PAH: variants seen among roughly 807,000 people sequenced by gnomAD.
The protein encoded by PAH is phenylalanine hydroxylase, also known as phenylalanine-4-hydroxylase.
Under a neutral mutation model 62.0 loss-of-function variants are expected in PAH, and 64 were observed. That is an observed-to-expected ratio of 1.03 (90% confidence interval 0.84 to 1.27). The LOEUF (loss-of-function observed/expected upper bound fraction) is 1.27, where lower values mean the gene tolerates loss of function less well. Ranked by LOEUF, PAH falls within the 50% of genes most tolerant of loss-of-function variation. PAH has a pLI of 0.00. For synonymous variants in PAH, 195 were observed against 196.2 expected, an observed-to-expected ratio of 0.99 and a Z score of 0.05; for missense variants, 579 against 542.8, an observed-to-expected ratio of 1.07 and a Z score of -0.66.
upstream of PAH, chr12:102,953,977 A>C (rs1255759138): frequency 6.6e-6 from 1 of 152,254 alleles, no homozygotes; most frequent in Non-Finnish European, 1.5e-5. Context: ...TTTATGAATG[A>C]AGGTATCAAA....
At chr12:102,904,512 A>C (rs1877892179) in intron 2 of PAH, among the ~76,000 whole-genome samples, 1 of 152,174 alleles carries the variant, frequency 6.6e-6, no homozygotes, top group Non-Finnish European at 1.5e-5. Context: ...GTTCATGTGC[A>C]CTATGGCTCT....
At chr12:102,875,682 T>C (rs928353317) in intron 4 of PAH, among the ~76,000 whole-genome samples, 9 of 152,150 alleles carry the variant, frequency 5.9e-5, no homozygotes, top group African/African-American at 1.9e-4. Flanking sequence ...CCTTTACTTT[T>C]CGGGGAGAGA....
chr12:102,954,196 T>G (rs949568204), upstream of PAH, among the ~76,000 whole-genome samples: 4 of 152,242 alleles, frequency 2.6e-5, no homozygotes, highest in African/African-American at 7.2e-5. Flanking sequence ...TCTTACTTGC[T>G]ACTTTTCATG....
At chr12:102,926,610 T>C (rs1372947082) in intron 1 of PAH, among the ~76,000 whole-genome samples, 1 of 151,182 alleles carries the variant, frequency 6.6e-6, no homozygotes, top group Non-Finnish European at 1.5e-5. Flanking sequence ...ATAGTTCACA[T>C]AGACATTCCA....
At chr12:102,865,568 C>A (rs1835419144) in intron 5 of PAH, among the ~76,000 whole-genome samples, 1 of 152,116 alleles carries the variant, frequency 6.6e-6, no homozygotes, top group South Asian at 2.1e-4. Flanking sequence ...TTGCCTGTAC[C>A]TGCTTTGATG....
At position 102,844,389 on chromosome 12, in the gene PAH, C is replaced by T. The variant is rs62516150; in HGVS notation, c.1012G>A (p.Asp338Asn). 1.2e-6 allele frequency: 2 copies of T among 1,613,792 alleles called. No individual in the cohort carries two copies. The highest frequency in any genetic ancestry group is 1.3e-5 in the African/African-American group (1 of 74,888). The change falls in exon 10 of 13, where the codon GAC becomes AAC. Residue 338 changes from aspartate to asparagine, a missense_variant. Transcript: ENST00000553106. The part of the protein sequence containing the change: ...TVEFGLCKQG[D>N]SIKAYGAGLL... ...CCAGCACCATATGCCTTTATGGAGTCTCCTTGTTTGCAGAGCCCAAACTCC... is the reference window on the plus strand; with the variant it reads ...CCAGCACCATATGCCTTTATGGAGTTTCCTTGTTTGCAGAGCCCAAACTCC...
chr12:102,853,026 G>C, intron 6 of PAH, 76 bp from the exon 7 acceptor site: 5 of 1,518,774 alleles, frequency 3.3e-6, no homozygotes, highest in Non-Finnish European at 3.6e-6. Context: ...TTTAGGTAGT[G>C]GAGTAGTACA....
At chr12:102,914,865 C>T (rs183387688) in intron 1 of PAH, among the ~76,000 whole-genome samples, 49 of 152,336 alleles carry the variant, frequency 3.2e-4, no homozygotes, top group Admixed American at 1.2e-3. Context: ...CAAGTCTGAT[C>T]TCATCTTCTC....
At chr12:102,906,959 C>T (rs1241682208) in intron 2 of PAH, among the ~76,000 whole-genome samples, 1 of 152,176 alleles carries the variant, frequency 6.6e-6, no homozygotes, top group African/African-American at 2.4e-5. Context: ...CATAATGATG[C>T]TGTCTTGGCT....
At chr12:102,890,568 C>T (rs912292464) in intron 3 of PAH, among the ~76,000 whole-genome samples, 6 of 152,102 alleles carry the variant, frequency 3.9e-5, no homozygotes, top group African/African-American at 1.4e-4. Context: ...GATTGGGTGA[C>T]CAATCATCTG....
chr12:102,878,234 C>T (rs1423557141), intron 3 of PAH, among the ~76,000 whole-genome samples: 1 of 152,192 alleles, frequency 6.6e-6, no homozygotes, highest in Non-Finnish European at 1.5e-5. Context: ...GTGTTTCCCT[C>T]CCAAAGGCCC....
In PAH at chr12:102,846,919, A is replaced by T. The variant is rs1180470263; in HGVS notation, c.945T>A (p.Asp315Glu). Residue 315 changes from aspartate (D) to glutamate (E), a missense_variant, in exon 9 of 13, where the codon GAT becomes GAA. By Grantham distance (45) the Asp-to-Glu change is conservative. Coordinates refer to ENST00000553106, the MANE Select transcript of PAH (RefSeq NM_000277.3). ...CTGTGGCGAGCTTTTCAATGTATTC[A>T]TCAGGTGCACCCAGAGAGGCAAGGC... ...EIGLASLGAP[D>E]EYIEKLATIY... 2 of 1,613,754 alleles carry T rather than the reference A, an allele frequency of 1.2e-6. No homozygotes were observed. Among genetic ancestry groups the T allele is most frequent in the Non-Finnish European group, 1.7e-6 (2 of 1,179,702 alleles).
At chr12:102,908,692 T>C (rs1878079475) in intron 2 of PAH, among the ~76,000 whole-genome samples, 1 of 152,194 alleles carries the variant, frequency 6.6e-6, no homozygotes, top group Non-Finnish European at 1.5e-5. Flanking sequence ...ATGTGGAACA[T>C]AGGTTACAAT....
At chr12:102,956,357 G>A (rs1879911063) in intron 1 of PAH, among the ~76,000 whole-genome samples, 1 of 152,214 alleles carries the variant, frequency 6.6e-6, no homozygotes, top group Admixed American at 6.5e-5. Context: ...CGGGGTTCTG[G>A]CCAGAGAGCG....
Position 102,932,525 on chromosome 12 carries a change from GAGA to G in PAH, c.-95-15303_-95-15301del, listed in dbSNP as rs1234012686. 7.9e-5 allele frequency among the ~76,000 whole-genome samples: 12 copies of G among 152,320 alleles called. No homozygotes were observed. The East Asian group carries it at 2.1e-3, about 27-fold the overall frequency. On this transcript the variant is annotated intron_variant, in intron 1 of 3. Coordinates refer to the PAH transcript ENST00000546844. ...AATGAGGCTACAGAGATGACAAGAG[GAGA>G]AGGACAGTTTTTCTGAGACTATTAA... is the stretch of plus-strand genomic sequence containing the variant.
intron 2 of PAH, among the ~76,000 whole-genome samples, chr12:102,903,512 G>A (rs1877851419): frequency 6.6e-6 from 1 of 152,176 alleles, no homozygotes; most frequent in Non-Finnish European, 1.5e-5. Flanking sequence ...AATATCTGAT[G>A]AGGTCATGAT....
chr12:102,899,795 C>A (rs1285317685), intron 2 of PAH, among the ~76,000 whole-genome samples: 1 of 114,698 alleles, frequency 8.7e-6, no homozygotes, highest in Non-Finnish European at 1.7e-5. Context: ...GGAGGCGGAG[C>A]TTGCAGTGAG....
Position 102,957,497 on chromosome 12 carries a change from G to T in PAH, c.-96+698C>A, listed in dbSNP as rs1404189978. Among the ~76,000 whole-genome samples the T allele has an allele frequency of 4.1e-5, 6 of 145,366 alleles. No individual in the cohort carries two copies. Among genetic ancestry groups the T allele is most frequent in the Non-Finnish European group, 9.1e-5 (6 of 65,992 alleles). On this transcript the variant is annotated intron_variant, in intron 1 of 4. Transcript: ENST00000551337. This position sits in a 1 kb window ranked among gnomAD's most constrained non-coding sequence, Gnocchi z 4.1. ...GCGGGAGAAAGGAACGGGAGGGGGG[G>T]AGAGGAGAGGAGGAGGGGGAGTTTA... is the stretch of plus-strand genomic sequence containing the variant.
chr12:102,953,423 G>C (rs1879826327), upstream of PAH: 1 of 152,156 alleles, frequency 6.6e-6, no homozygotes, highest in Non-Finnish European at 1.5e-5. Context: ...TCTTTTTACA[G>C]AGAGACAACA....
Sources: allele counts gnomAD v4.1 joint callset (sites outside exome capture counted in the v4.1 genomes callset), GRCh38; gene constraint gnomAD v4.1.1; non-coding constraint Gnocchi (gnomAD v3.1); transcripts MANE v1.5; gene names NCBI Gene and HGNC (gene_info 2026-07-23, HGNC 2026-07-21).